Variants in PDLIM5 observed in about 807,000 individuals in gnomAD.
PDLIM5 encodes the protein PDZ and LIM domain 5, also known as PDZ and LIM domain protein 5.
A neutral mutation model predicts 64.2 loss-of-function variants in PDLIM5; 34 were observed. The ratio of observed to expected loss-of-function variants is 0.53; its 90% CI spans 0.40 to 0.71. The LOEUF is 0.71. Among genes scored for constraint, PDLIM5 ranks in the 30% least tolerant of loss-of-function variants. PDLIM5 has a pLI of 0.00. For missense variants in PDLIM5, 683 were observed against 733.6 expected (o/e 0.93, Z 0.80); for synonymous variants, 253 against 269.1 (o/e 0.94, Z 0.59).
intron 3 of PDLIM5, among the ~76,000 whole-genome samples, chr4:94,530,943 G>A (rs1343431773): frequency 6.6e-6 from 1 of 152,124 alleles, no homozygotes; most frequent in Non-Finnish European, 1.5e-5. Context: ...CAACTCTGCT[G>A]TTTCTTTCAC....
Position 94,575,900 on chromosome 4 carries a change from T to A in PDLIM5, c.576T>A (p.Ser192=). 2 of 1,614,160 alleles carry A rather than the reference T, an allele frequency of 1.2e-6. No individual in the cohort carries two copies. ...ATCTTAGTGCTGACCAGTCTCCATC[T>A]GCACTGAGCGCTGGTAAAACTGCAG... The part of the protein sequence containing the change: ...NANLSADQSP[S]ALSAGKTAVN... Residue 192 remains serine (S), a synonymous_variant, in exon 5 of 13, where the codon TCT becomes TCA. Transcript: ENST00000317968.
intron 2 of PDLIM5, among the ~76,000 whole-genome samples, chr4:94,460,717 T>C (rs1257474647): frequency 1.3e-5 from 2 of 152,150 alleles, no homozygotes; most frequent in Non-Finnish European, 2.9e-5. Context: ...GAGTTAGGTA[T>C]ATCTACCTAC....
intron 7 of PDLIM5, among the ~76,000 whole-genome samples, chr4:94,588,598 A>C (rs1736434597): frequency 6.6e-6 from 1 of 151,852 alleles, no homozygotes; most frequent in South Asian, 2.1e-4. Context: ...TAAATAAATA[A>C]ATAAATAAGA....
chr4:94,625,453 G>T (rs892280389), intron 8 of PDLIM5, among the ~76,000 whole-genome samples: 3 of 151,268 alleles, frequency 2.0e-5, no homozygotes, highest in African/African-American at 4.9e-5. Flanking sequence ...TTTAATATTA[G>T]ACTTTTTTTT....
At chr4:94,608,097 C>A in intron 7 of PDLIM5, 1 of 1,532,602 alleles carries the variant, frequency 6.5e-7, no homozygotes, top group African/African-American at 1.4e-5. Context: ...AAGAGTGGAC[C>A]TCACCCTCCT....
intron 8 of PDLIM5, among the ~76,000 whole-genome samples, chr4:94,623,834 T>C (rs553055435): frequency 1.3e-5 from 2 of 152,224 alleles, no homozygotes; most frequent in Non-Finnish European, 2.9e-5. Flanking sequence ...TGCCAAAGGC[T>C]GCTATTAGAA....
At chr4:94,539,371 G>T (rs1191475118) in intron 3 of PDLIM5, among the ~76,000 whole-genome samples, 1 of 152,150 alleles carries the variant, frequency 6.6e-6, no homozygotes, top group Non-Finnish European at 1.5e-5. Flanking sequence ...GGACTTATAT[G>T]GGAAATGGAA....
chr4:94,466,530 C>T (rs79461349), intron 2 of PDLIM5, among the ~76,000 whole-genome samples: 2 of 152,162 alleles, frequency 1.3e-5, no homozygotes, highest in East Asian at 3.9e-4. Flanking sequence ...ATTTTGTATA[C>T]TTATGTTTGG....
intron 3 of PDLIM5, among the ~76,000 whole-genome samples, chr4:94,560,300 GAGAAGACTGTTT>G (rs1214884114): frequency 3.3e-5 from 5 of 152,046 alleles, no homozygotes; most frequent in Non-Finnish European, 7.4e-5. Context: ...GTTGCTAATT[GAGAAGACTGTTT>G]AGAAGACAGG....
intron 7 of PDLIM5, among the ~76,000 whole-genome samples, chr4:94,602,722 C>T (rs1737603062): frequency 6.6e-6 from 1 of 151,628 alleles, no homozygotes; most frequent in Non-Finnish European, 1.5e-5. Context: ...TCCCAAAGTG[C>T]TGGGATTGCA....
At chr4:94,573,253 T>C in intron 3 of PDLIM5, 98 bp from the exon 4 acceptor site, 1 of 842,568 alleles carries the variant, frequency 1.2e-6, no homozygotes, top group South Asian at 1.6e-5. Context: ...ATTCAGTATA[T>C]TAAGGCTATA....
intron 9 of PDLIM5, among the ~76,000 whole-genome samples, chr4:94,651,894 A>G (rs1009071237): frequency 6.6e-6 from 1 of 152,216 alleles, no homozygotes; most frequent in African/African-American, 2.4e-5. Flanking sequence ...AGGTTCATGT[A>G]TCACAACAAG....
chr4:94,510,862 T>G (rs1435430733), intron 2 of PDLIM5, among the ~76,000 whole-genome samples: 2 of 151,902 alleles, frequency 1.3e-5, no homozygotes, highest in African/African-American at 4.8e-5. Flanking sequence ...ATACAAAAAT[T>G]AACTGGGCAT....
At chr4:94,656,658 G>A (rs545754901) in intron 10 of PDLIM5, among the ~76,000 whole-genome samples, 13 of 148,940 alleles carry the variant, frequency 8.7e-5, no homozygotes, top group Admixed American at 4.7e-4. Flanking sequence ...TTTTTGAGAC[G>A]GAGTCTTGCT....
chr4:94,455,685 C>G (rs1723276278), intron 2 of PDLIM5: 10 of 1,060,462 alleles, frequency 9.4e-6, no homozygotes, highest in Non-Finnish European at 1.2e-5. Flanking sequence ...TTCTCTGAAT[C>G]TTCGTTCTTT....
intron 5 of PDLIM5, chr4:94,577,497 G>A (rs1735382694): frequency 2.8e-6 from 1 of 353,676 alleles, no homozygotes; most frequent in South Asian, 2.2e-5. Flanking sequence ...AGGAAAACTA[G>A]TATCCTTCAA....
In PDLIM5 at chr4:94,644,700, C is replaced by T. The variant is rs182770493; in HGVS notation, c.1283+4250C>T. On this transcript the variant is annotated intron_variant, in intron 9 of 12. Transcript: ENST00000317968. ...AGGACTACAGGCACCTGCCACCACG[C>T]CCAGCTAATTTTTTGTATTTTTAGT... Among the ~76,000 whole-genome samples the T allele has an allele frequency of 2.3e-3, 351 of 152,078 alleles. 7 individuals are homozygous for T. Among genetic ancestry groups the T allele is most frequent in the Non-Finnish European group, 1.0e-3 (68 of 67,974 alleles).
rs145782141 is a variant in PDLIM5, at chr4:94,460,253, A to G, written c.96+4869A>G. On this transcript the variant is annotated intron_variant, in intron 2 of 12. Coordinates refer to ENST00000317968, the MANE Select transcript of PDLIM5 (RefSeq NM_006457.5). ...GTGGTCACAAATGTCAGGAATCTCA[A>G]TGTAATTCTGGATAAATTTTTCTGC... 1.3e-3 allele frequency among the ~76,000 whole-genome samples: 201 copies of G among 152,304 alleles called. 7 individuals are homozygous for G. The highest frequency in any genetic ancestry group is 0.011 in the Admixed American group (175 of 15,288).
chr4:94,520,716 G>A (rs527746835), intron 2 of PDLIM5, among the ~76,000 whole-genome samples: 1 of 152,256 alleles, frequency 6.6e-6, no homozygotes, highest in South Asian at 2.1e-4. Flanking sequence ...ATTGGTTCAA[G>A]CTGATCATGC....
Sources: gnomAD v4.1 joint callset for allele counts (sites outside exome capture counted in the v4.1 genomes callset) on GRCh38, gnomAD v4.1.1 for gene constraint, MANE v1.5 for transcripts, NCBI Gene and HGNC (gene_info 2026-07-23, HGNC 2026-07-21) for gene names.